The following PCDHA11 variants were observed in gnomAD, a reference collection of about 807,000 sequenced individuals.
PCDHA11 encodes protocadherin alpha-11.
PCDHA11 carries 61 observed loss-of-function variants against 70.3 expected under a neutral mutation model. The ratio of observed to expected loss-of-function variants is 0.87; its 90% CI spans 0.71 to 1.07. The LOEUF is 1.07. Ranked by LOEUF, PCDHA11 falls within the 50% of genes least tolerant of loss-of-function variation. The probability of loss-of-function intolerance (pLI) is 0.00; values close to 1 mark genes in which losing one functional copy is unlikely to be tolerated. For missense variants in PCDHA11, 1,324 were observed against 1,237.5 expected, an observed-to-expected ratio of 1.07 and a Z score of -1.05; for synonymous variants, 633 against 555.1, an observed-to-expected ratio of 1.14 and a Z score of -1.97.
chr5:140,937,595 C>A (rs940943581), intron 1 of PCDHA11, among the ~76,000 whole-genome samples: 1 of 150,652 alleles, frequency 6.6e-6, no homozygotes, highest in South Asian at 2.1e-4. Flanking sequence ...CTAGCCTGGG[C>A]AACAGAGTGA....
intron 1 of PCDHA11, among the ~76,000 whole-genome samples, chr5:140,945,549 G>A (rs246058): frequency 0.56 from 85,718 of 151,780 alleles, 24,784 homozygotes; most frequent in African/African-American, 0.69. Context: ...ACAAAAAAAT[G>A]AAGCTGAAGA....
chr5:140,872,791 G>A (rs549291235), intron 1 of PCDHA11, among the ~76,000 whole-genome samples: 1 of 152,194 alleles, frequency 6.6e-6, no homozygotes, highest in South Asian at 2.1e-4. Flanking sequence ...TATGCTAGTT[G>A]GCATTCTTCC....
At chr5:140,976,486 G>T (rs782708902) in intron 1 of PCDHA11, among the ~76,000 whole-genome samples, 1 of 152,078 alleles carries the variant, frequency 6.6e-6, no homozygotes, top group Non-Finnish European at 1.5e-5. Context: ...GGGAGGCAGA[G>T]GTTGCAGGGA....
chr5:140,876,699 G>T (rs782209543), intron 1 of PCDHA11: 1 of 1,614,228 alleles, frequency 6.2e-7, no homozygotes. Context: ...CGTTGGTGCT[G>T]GACAGCGCCC....
intron 1 of PCDHA11, among the ~76,000 whole-genome samples, chr5:140,885,718 C>T (rs2060696401): frequency 6.6e-6 from 1 of 152,124 alleles, no homozygotes; most frequent in South Asian, 2.1e-4. Flanking sequence ...CTAATGTGAT[C>T]TCTGTGAAAT....
intron 1 of PCDHA11, chr5:140,928,542 C>A: frequency 6.2e-7 from 1 of 1,614,158 alleles, no homozygotes; most frequent in Non-Finnish European, 8.5e-7. Flanking sequence ...ATAGGAATGA[C>A]AATTATCCGG....
At chr5:140,980,615 C>T (rs1182621837) in intron 2 of PCDHA11, among the ~76,000 whole-genome samples, 4 of 151,596 alleles carry the variant, frequency 2.6e-5, no homozygotes, top group Admixed American at 6.6e-5. Flanking sequence ...GGCGACAGTG[C>T]GAGACTCTGT....
chr5:140,999,527 C>T (rs578180518), intron 3 of PCDHA11, among the ~76,000 whole-genome samples: 27 of 152,206 alleles, frequency 1.8e-4, no homozygotes, highest in African/African-American at 5.8e-4. Flanking sequence ...TTGTTACCCC[C>T]TGGATATGAC....
chr5:140,946,031 G>A (rs1275615718), intron 1 of PCDHA11, among the ~76,000 whole-genome samples: 2 of 151,984 alleles, frequency 1.3e-5, no homozygotes, highest in African/African-American at 2.4e-5. Flanking sequence ...AAGAAAACAA[G>A]AGTGAAGGGA....
intron 2 of PCDHA11, among the ~76,000 whole-genome samples, chr5:140,980,631 A>G (rs1272240071): frequency 6.6e-6 from 1 of 152,222 alleles, no homozygotes; most frequent in Non-Finnish European, 1.5e-5. Flanking sequence ...TCTGTCTCAG[A>G]AGAATAAATA....
intron 1 of PCDHA11, chr5:140,929,542 C>A (rs2086218387): frequency 1.9e-6 from 1 of 536,790 alleles, no homozygotes; most frequent in Non-Finnish European, 3.0e-6. Context: ...GAAACAAGGG[C>A]AAAAATTAAA....
intron 1 of PCDHA11, among the ~76,000 whole-genome samples, chr5:140,889,720 T>G (rs1259294888): frequency 2.6e-5 from 4 of 152,240 alleles, no homozygotes; most frequent in African/African-American, 9.6e-5. Context: ...TCTTTGCTAC[T>G]GTCTCACTGA....
intron 1 of PCDHA11, among the ~76,000 whole-genome samples, chr5:140,973,020 T>A (rs1057155557): frequency 6.6e-6 from 1 of 152,120 alleles, no homozygotes; most frequent in Non-Finnish European, 1.5e-5. Flanking sequence ...TTGTGATTGT[T>A]AATGAGTCAC....
chr5:140,929,020 A>C (rs1183262810), intron 1 of PCDHA11: 6 of 1,614,070 alleles, frequency 3.7e-6, no homozygotes, highest in Non-Finnish European at 5.1e-6. Flanking sequence ...GTTGCACCAG[A>C]GCCCAGGCTG....
rs201299652 is a variant in PCDHA11 at position 140,871,033 on chromosome 5, C to T, written c.1930C>T (p.His644Tyr). ...RALDEADSPR[H>Y]RLLVLVKDHG... Reference sequence around the variant, plus strand: ...CCTGGACGAGGCAGACTCGCCGCGCCACCGACTTCTAGTACTGGTGAAGGA... The same window carrying T: ...CCTGGACGAGGCAGACTCGCCGCGCTACCGACTTCTAGTACTGGTGAAGGA... Residue 644 changes from histidine to tyrosine, a missense_variant, in exon 1 of 4, where the codon CAC becomes TAC. Transcript: ENST00000398640. The T allele has an allele frequency of 1.2e-6, 2 of 1,613,234 alleles. No homozygotes were observed. Among genetic ancestry groups the T allele is most frequent in the East Asian group, 2.2e-5 (1 of 44,888 alleles).
chr5:140,893,312 A>C (rs2063923388), intron 1 of PCDHA11, among the ~76,000 whole-genome samples: 1 of 152,106 alleles, frequency 6.6e-6, no homozygotes, highest in Non-Finnish European at 1.5e-5. Context: ...TAGTTTTTTG[A>C]GGGACTCCCA....
intron 1 of PCDHA11, among the ~76,000 whole-genome samples, chr5:140,926,161 A>C (rs1205520517): frequency 6.6e-6 from 1 of 151,712 alleles, no homozygotes. Flanking sequence ...GCTCTGCAGC[A>C]GGATCCAGCG....
chr5:140,876,334 A>T (rs782377581), intron 1 of PCDHA11: 3 of 1,614,030 alleles, frequency 1.9e-6, no homozygotes, highest in Admixed American at 1.7e-5. Context: ...TTTGCCAGTG[A>T]GTGAGAAATG....
chr5:140,876,301 A>G (rs2056269338), intron 1 of PCDHA11: 2 of 1,614,076 alleles, frequency 1.2e-6, no homozygotes, highest in East Asian at 4.5e-5. Flanking sequence ...TAATGGAGAA[A>G]TTTCCTATGG....
Sources: allele counts gnomAD v4.1 joint callset (sites outside exome capture counted in the v4.1 genomes callset), GRCh38; gene constraint gnomAD v4.1.1; transcripts MANE v1.5; gene names NCBI Gene and HGNC (gene_info 2026-07-23, HGNC 2026-07-21).